HTR1F: variants seen among roughly 807,000 people sequenced by gnomAD.
The protein encoded by HTR1F is 5-hydroxytryptamine receptor 1F.
In HTR1F, 17 loss-of-function variants were observed where a neutral mutation model predicts 24.0. The ratio of observed to expected loss-of-function variants is 0.71; its 90% CI spans 0.48 to 1.06. HTR1F has a LOEUF of 1.06. Among genes scored for constraint, HTR1F ranks in the 50% least tolerant of loss-of-function variants. The probability of loss-of-function intolerance (pLI) is 0.00; values close to 1 mark genes in which losing one functional copy is unlikely to be tolerated. For missense variants in HTR1F, 391 were observed against 427.8 expected (o/e 0.91, Z 0.76); for synonymous variants, 186 against 156.8 (o/e 1.19, Z -1.39).
chr3:87,940,452 A>G (rs1457104977), intron 2 of HTR1F, among the ~76,000 whole-genome samples: 1 of 152,252 alleles, frequency 6.6e-6, no homozygotes, highest in Non-Finnish European at 1.5e-5. Flanking sequence ...AGGGATGTGA[A>G]GGACCTCTTC....
chr3:87,843,769 T>C (rs1340420554), intron 2 of HTR1F, among the ~76,000 whole-genome samples: 1 of 148,590 alleles, frequency 6.7e-6, no homozygotes, highest in Non-Finnish European at 1.5e-5. Flanking sequence ...TGAGTGAGAA[T>C]ATGCGGTGTT....
At chr3:87,924,209 G>T (rs1456294230) in intron 2 of HTR1F, among the ~76,000 whole-genome samples, 1 of 151,896 alleles carries the variant, frequency 6.6e-6, no homozygotes, top group Non-Finnish European at 1.5e-5. Context: ...GTTTCTTCCT[G>T]TTCAGTGATG....
chr3:87,906,399 A>T (rs1703668081), intron 2 of HTR1F, among the ~76,000 whole-genome samples: 1 of 152,126 alleles, frequency 6.6e-6, no homozygotes, highest in South Asian at 2.1e-4. Context: ...CCTATAGAAC[A>T]AAGAAAGAGA....
chr3:87,958,788 G>A (rs1352915207), intron 2 of HTR1F, among the ~76,000 whole-genome samples: 2 of 151,478 alleles, frequency 1.3e-5, no homozygotes, highest in East Asian at 3.9e-4. Flanking sequence ...CAATCTGATT[G>A]TGCCTTATCT....
chr3:87,869,435 ACATAGATAGATAGATAGAT>A (rs1559612386), intron 2 of HTR1F, among the ~76,000 whole-genome samples: 1 of 96,914 alleles, frequency 1.0e-5, no homozygotes, highest in Non-Finnish European at 2.0e-5. Flanking sequence ...ATAGATAGAT[ACATAGATAGATAGATAGAT>A]GATAGATAGA....
intron 2 of HTR1F, among the ~76,000 whole-genome samples, chr3:87,979,488 G>GTCCACA (rs1211516866): frequency 1.6e-4 from 24 of 152,234 alleles, no homozygotes; most frequent in African/African-American, 4.8e-4. Context: ...TGGAGTTTAG[G>GTCCACA]GACTCTGAAA....
At chr3:87,919,228 T>A (rs1392834765) in intron 2 of HTR1F, among the ~76,000 whole-genome samples, 1 of 152,148 alleles carries the variant, frequency 6.6e-6, no homozygotes, top group Admixed American at 6.6e-5. Flanking sequence ...TCATTCAAGA[T>A]GGATTAAGGA....
chr3:87,849,768 AC>A (rs1193886531), intron 2 of HTR1F, among the ~76,000 whole-genome samples: 1 of 151,866 alleles, frequency 6.6e-6, no homozygotes, highest in African/African-American at 2.4e-5. Flanking sequence ...ACAAGAAAAA[AC>A]AAACAACCCC....
intron 2 of HTR1F, among the ~76,000 whole-genome samples, chr3:87,923,780 T>A (rs113223284): frequency 1.1e-4 from 17 of 152,254 alleles, no homozygotes; most frequent in African/African-American, 4.1e-4. Context: ...CTTCTATTTA[T>A]GTGATATATC....
chr3:87,925,267 A>G (rs919140220), intron 2 of HTR1F, among the ~76,000 whole-genome samples: 1 of 152,160 alleles, frequency 6.6e-6, no homozygotes, highest in Non-Finnish European at 1.5e-5. Context: ...GATGCTGGGC[A>G]GAACAGTCCT....
intron 2 of HTR1F, among the ~76,000 whole-genome samples, chr3:87,844,933 T>C (rs1240770509): frequency 6.7e-6 from 1 of 149,522 alleles, no homozygotes; most frequent in African/African-American, 2.6e-5. Flanking sequence ...TTGGTTACTG[T>C]AGCCTTGTAG....
intron 2 of HTR1F, among the ~76,000 whole-genome samples, chr3:87,931,793 G>C (rs55918511): frequency 6.7e-6 from 1 of 149,222 alleles, no homozygotes; most frequent in Non-Finnish European, 1.5e-5. Flanking sequence ...TTTCTCTGAT[G>C]GCCAGTGATG....
intron 2 of HTR1F, among the ~76,000 whole-genome samples, chr3:87,904,524 G>T (rs146788102): frequency 1.3e-5 from 2 of 152,112 alleles, no homozygotes; most frequent in African/African-American, 4.8e-5. Context: ...TATAGTCATA[G>T]CATACAATAC....
chr3:87,990,573 A>C, intron 2 of HTR1F, 135 bp from the exon 3 acceptor site: 1 of 528,690 alleles, frequency 1.9e-6, no homozygotes, highest in Non-Finnish European at 3.3e-6. Flanking sequence ...TAAAACCTTC[A>C]ATCTGAACCT....
intron 2 of HTR1F, among the ~76,000 whole-genome samples, chr3:87,935,411 T>C (rs1704388060): frequency 6.6e-6 from 1 of 152,190 alleles, no homozygotes; most frequent in South Asian, 2.1e-4. Flanking sequence ...GGCAACTTTT[T>C]TTTCCCCAGT....
At chr3:87,881,496 G>C (rs1279719447) in intron 2 of HTR1F, among the ~76,000 whole-genome samples, 1 of 152,110 alleles carries the variant, frequency 6.6e-6, no homozygotes, top group African/African-American at 2.4e-5. Context: ...CCACCTCTGG[G>C]GGCAGGGAAT....
chr3:87,909,133 G>A (rs994882438), intron 2 of HTR1F, among the ~76,000 whole-genome samples: 2 of 152,034 alleles, frequency 1.3e-5, no homozygotes, highest in African/African-American at 4.8e-5. Context: ...AGTCACCAGT[G>A]GTAAATACTA....
chr3:87,985,074 T>C (rs1335597442), intron 2 of HTR1F, among the ~76,000 whole-genome samples: 2 of 152,048 alleles, frequency 1.3e-5, no homozygotes, highest in Non-Finnish European at 2.9e-5. Flanking sequence ...AGTGGCTCAC[T>C]CCTGTAATAC....
At chr3:87,946,209 G>A (rs1704699761) in intron 2 of HTR1F, among the ~76,000 whole-genome samples, 1 of 152,192 alleles carries the variant, frequency 6.6e-6, no homozygotes. Flanking sequence ...GGATCCAGAG[G>A]GGTGGAAGTC....
Sources: gnomAD v4.1 joint callset for allele counts (sites outside exome capture counted in the v4.1 genomes callset) on GRCh38, gnomAD v4.1.1 for gene constraint, MANE v1.5 for transcripts, NCBI Gene and HGNC (gene_info 2026-07-23, HGNC 2026-07-21) for gene names.